Variants in SYNRG observed in about 807,000 individuals in gnomAD.
The protein encoded by SYNRG is AP1 gamma subunit binding protein 1.
SYNRG carries 37 observed loss-of-function variants against 130.9 expected under a neutral mutation model. The observed-to-expected ratio is 0.28, with a 90% CI of 0.22 to 0.37. The LOEUF (loss-of-function observed/expected upper bound fraction) is 0.37, where lower values mean the gene tolerates loss of function less well. SYNRG is among the 10% of genes least tolerant of loss of function. The pLI, the probability that SYNRG is intolerant of heterozygous loss-of-function variation, is 1.00. For missense variants in SYNRG, 1,338 were observed against 1,588.9 expected (o/e 0.84, Z 2.68); for synonymous variants, 539 against 568.1 (o/e 0.95, Z 0.73).
chr17:37,516,323 G>A lies in SYNRG; in HGVS notation c.*2617C>T, dbSNP rs1339319136. ...GCGCAACCGTGTCCCACACTCCTTG[G>A]ATCCCTATTGGTGGCATCTAATTAA... On this transcript the variant is annotated 3_prime_UTR_variant, in exon 22 of 22. Coordinates refer to ENST00000612223, the MANE Select transcript of SYNRG (RefSeq NM_007247.6). The A allele has an allele frequency of 6.6e-6, 1 of 152,162 alleles. No homozygotes were observed. The highest frequency in any genetic ancestry group is 1.5e-5 in the Non-Finnish European group (1 of 68,034). The allele number at this position is 152,162 out of a possible 1,614,324, so 9.4% of individuals were successfully genotyped here.
intron 11 of SYNRG, among the ~76,000 whole-genome samples, chr17:37,565,991 G>T (rs71547302): frequency 6.8e-6 from 1 of 147,946 alleles, no homozygotes; most frequent in Admixed American, 6.7e-5. Flanking sequence ...CCGGCCAGCC[G>T]CCCCGTCCGG....
chr17:37,561,554 T>G lies in SYNRG; in HGVS notation c.1517A>C (p.Lys506Thr). The G allele has an allele frequency of 6.2e-7, 1 of 1,613,524 alleles. No individual in the cohort carries two copies. Among genetic ancestry groups the G allele is most frequent in the African/African-American group, 1.3e-5 (1 of 75,028 alleles). The change falls in exon 12 of 22, where the codon AAA becomes ACA. Residue 506 changes from lysine to threonine, a missense_variant. Transcript: ENST00000612223. The stretch of plus-strand genomic sequence containing the variant: ...ATATTTGTCCATTGAAGGCAATGCT[T>G]TAGTTCCAGGAAGTGGCATCAACAA... ...PSLLMPLPGT[K>T]ALPSMDKYAV...
chr17:37,575,313 T>C (rs924277618), intron 8 of SYNRG, among the ~76,000 whole-genome samples: 5 of 152,160 alleles, frequency 3.3e-5, no homozygotes, highest in African/African-American at 1.2e-4. Flanking sequence ...AATTGGAATG[T>C]TCATAACACA....
chr17:37,539,368 G>C (rs2057514943), intron 16 of SYNRG, 123 bp from the exon 17 acceptor site: 4 of 1,052,732 alleles, frequency 3.8e-6, no homozygotes, highest in Non-Finnish European at 1.4e-6. Flanking sequence ...AGTTCAAGCA[G>C]TTTATGTTTT....
chr17:37,530,336 T>C (rs755712085), intron 19 of SYNRG, among the ~76,000 whole-genome samples: 5 of 152,152 alleles, frequency 3.3e-5, no homozygotes, highest in Non-Finnish European at 5.9e-5. Context: ...ATCTGCTCCA[T>C]ATTAGGACAA....
rs1307129684 is a variant in SYNRG, at chr17:37,577,280, A to C, written c.823+100T>G. Reference sequence around the variant, plus strand: ...TATTTCAAGCAAAATTTCGATTAGCAAAATCAAGCAGCATTCATTTGAAGA... The same window carrying C: ...TATTTCAAGCAAAATTTCGATTAGCCAAATCAAGCAGCATTCATTTGAAGA... On this transcript the variant is annotated intron_variant, in intron 7 of 21. Coordinates refer to ENST00000612223, the MANE Select transcript of SYNRG (RefSeq NM_007247.6). 4.4e-6 allele frequency: 5 copies of C among 1,146,402 alleles called. No individual in the cohort carries two copies. In the East Asian group the frequency reaches 9.4e-5, roughly 22 times the overall value. 71.0% of individuals were successfully genotyped at this position (1,146,402 alleles called of 1,614,324 possible).
At chr17:37,519,125 A>G in intron 21 of SYNRG, 54 bp from the exon 22 acceptor site, 1 of 1,590,294 alleles carries the variant, frequency 6.3e-7, no homozygotes, top group Non-Finnish European at 8.6e-7. Context: ...TGCATCTCAG[A>G]GCTTTTCAGC....
At chr17:37,560,804 A>G (rs549506183) in intron 13 of SYNRG, among the ~76,000 whole-genome samples, 1 of 151,378 alleles carries the variant, frequency 6.6e-6, no homozygotes, top group East Asian at 1.9e-4. Flanking sequence ...ACCCGGGACT[A>G]CAGGTGCGCA....
At chr17:37,529,885 G>T in intron 19 of SYNRG, 12 of 1,545,332 alleles carry the variant, frequency 7.8e-6, no homozygotes, top group Non-Finnish European at 1.1e-5. Context: ...TGATTTGGGG[G>T]TTGTATAGAA....
At chr17:37,539,374 GTT>G in intron 16 of SYNRG, 129 bp from the exon 17 acceptor site, 1 of 984,762 alleles carries the variant, frequency 1.0e-6, no homozygotes, top group Non-Finnish European at 1.5e-6. Context: ...AGCAGTTTAT[GTT>G]TTTTTTGTTT....
At chr17:37,538,884 G>A (rs1412857169) in intron 17 of SYNRG, among the ~76,000 whole-genome samples, 2 of 152,198 alleles carry the variant, frequency 1.3e-5, no homozygotes, top group South Asian at 2.1e-4. Flanking sequence ...TTGAGCCACC[G>A]CACCCAGCCA....
intron 14 of SYNRG, among the ~76,000 whole-genome samples, chr17:37,552,313 C>T (rs879405918): frequency 6.6e-6 from 1 of 152,136 alleles, no homozygotes; most frequent in Non-Finnish European, 1.5e-5. Flanking sequence ...AAAACCAGGA[C>T]ACTTGGGAAT....
intron 19 of SYNRG, among the ~76,000 whole-genome samples, chr17:37,531,095 C>T (rs952212934): frequency 6.6e-6 from 1 of 152,044 alleles, no homozygotes; most frequent in Non-Finnish European, 1.5e-5. Flanking sequence ...CCAAGCCAGG[C>T]ATGGTGGTGC....
At chr17:37,540,338 G>T (rs1431179429) in intron 16 of SYNRG, 42 bp downstream of exon 16, 18 of 1,600,898 alleles carry the variant, frequency 1.1e-5, no homozygotes, top group Non-Finnish European at 1.5e-5. Flanking sequence ...CTGTGTGCTT[G>T]CTGGTCTGTT....
At chr17:37,592,415 C>T (rs1254663874) in intron 3 of SYNRG, among the ~76,000 whole-genome samples, 1 of 152,148 alleles carries the variant, frequency 6.6e-6, no homozygotes, top group African/African-American at 2.4e-5. Flanking sequence ...AATGCAATAC[C>T]ATGCAACCCA....
At chr17:37,529,915 A>G in intron 19 of SYNRG, 1 of 1,458,464 alleles carries the variant, frequency 6.9e-7, no homozygotes, top group Non-Finnish European at 9.4e-7. Flanking sequence ...TCAAGTGTTA[A>G]CTGCAGTAAG....
intron 6 of SYNRG, among the ~76,000 whole-genome samples, chr17:37,580,510 T>TGTGTGTGTGTGTGTGTGAGA (rs1384344164): frequency 4.7e-5 from 6 of 127,658 alleles, no homozygotes; most frequent in African/African-American, 2.2e-4. Flanking sequence ...TGTGTGTGTG[T>TGTGTGTGTGTGTGTGTGAGA]GAGAGAGAGA....
chr17:37,608,184 TG>T (rs67482976), intron 1 of SYNRG, among the ~76,000 whole-genome samples: 8,506 of 152,102 alleles, frequency 0.056, 761 homozygotes, highest in African/African-American at 0.19. Flanking sequence ...TACACACAGG[TG>T]GTTTATTGAA....
At chr17:37,529,697 A>G in intron 19 of SYNRG, 1 of 1,307,454 alleles carries the variant, frequency 7.6e-7, no homozygotes, top group Non-Finnish European at 1.1e-6. Context: ...CAAGAAGTAA[A>G]CGCACAGCAG....
Sources: allele counts gnomAD v4.1 joint callset (sites outside exome capture counted in the v4.1 genomes callset), GRCh38; gene constraint gnomAD v4.1.1; transcripts MANE v1.5; gene names NCBI Gene and HGNC (gene_info 2026-07-23, HGNC 2026-07-21).